The following FRYL variants were observed in gnomAD, a reference collection of about 807,000 sequenced individuals.
FRYL encodes the protein FRY like transcription coactivator.
A neutral mutation model predicts 351.2 loss-of-function variants in FRYL; 150 were observed. That is an observed-to-expected ratio of 0.43 (90% confidence interval 0.37 to 0.49). The LOEUF is 0.49. FRYL is among the 20% of genes least tolerant of loss of function. The pLI is 0.00. For synonymous variants in FRYL, 1,153 were observed against 1,257.1 expected (o/e 0.92, Z 1.75); for missense variants, 3,036 against 3,619.3 (o/e 0.84, Z 4.13).
intron 59 of FRYL, chr4:48,506,242 T>C (rs1720881683): frequency 6.6e-6 from 1 of 151,920 alleles, no homozygotes; most frequent in African/African-American, 2.4e-5. Flanking sequence ...AATGTTGATA[T>C]AAAAGTACAG....
At position 48,774,259 on chromosome 4, in the gene FRYL, C is replaced by T. The variant is rs547469275; in HGVS notation, c.-384+5819G>A. On this transcript the variant is annotated intron_variant, in intron 1 of 63. Transcript: ENST00000358350. The stretch of plus-strand genomic sequence containing the variant: ...TTTAATAGGTAAATTATATGGCATA[C>T]GAATTATATTTCAAAAAAGCTGTCA... 7.9e-5 allele frequency among the ~76,000 whole-genome samples: 12 copies of T among 152,210 alleles called. No individual in the cohort carries two copies. In the Middle Eastern group the frequency reaches 0.014, roughly 173 times the overall value.
At chr4:48,562,856 TA>T in intron 32 of FRYL, 32 bp downstream of exon 32, 2 of 1,223,952 alleles carry the variant, frequency 1.6e-6, no homozygotes, top group African/African-American at 1.5e-5. Flanking sequence ...AAATCCTGAG[TA>T]AAAAAATATT....
At chr4:48,655,995 T>C (rs1758835982) in intron 3 of FRYL, among the ~76,000 whole-genome samples, 1 of 138,274 alleles carries the variant, frequency 7.2e-6, no homozygotes, top group African/African-American at 2.6e-5. Context: ...GTGCAATATA[T>C]GTATATAATG....
intron 25 of FRYL, among the ~76,000 whole-genome samples, 186 bp from the exon 26 acceptor site, chr4:48,573,429 A>G (rs1738824134): frequency 6.6e-6 from 1 of 152,090 alleles, no homozygotes; most frequent in African/African-American, 2.4e-5. Flanking sequence ...TGGAAACCAG[A>G]AAAAAAATGG....
chr4:48,534,225 CAAAACA>C (rs1187853773), intron 49 of FRYL, among the ~76,000 whole-genome samples: 1 of 152,118 alleles, frequency 6.6e-6, no homozygotes, highest in Non-Finnish European at 1.5e-5. Context: ...GACTCCTTCT[CAAAACA>C]AAAACAAAAA....
chr4:48,525,064 GAAA>G (rs528826304), intron 53 of FRYL, among the ~76,000 whole-genome samples: 2 of 82,248 alleles, frequency 2.4e-5, no homozygotes, highest in Admixed American at 1.3e-4. Flanking sequence ...TACACTTTTT[GAAA>G]AAAAAAAAAA....
At chr4:48,534,457 C>A in intron 49 of FRYL, 88 bp downstream of exon 49, 1 of 1,023,292 alleles carries the variant, frequency 9.8e-7, no homozygotes, top group Non-Finnish European at 1.4e-6. Flanking sequence ...CTTCCCCATT[C>A]TTCGACATTT....
intron 1 of FRYL, among the ~76,000 whole-genome samples, chr4:48,757,379 A>C (rs1773908085): frequency 6.6e-6 from 1 of 152,238 alleles, no homozygotes; most frequent in Non-Finnish European, 1.5e-5. Flanking sequence ...GCTGATAAGC[A>C]ACTTCAGCAA....
intron 28 of FRYL, among the ~76,000 whole-genome samples, chr4:48,566,572 T>C (rs1736839077): frequency 6.6e-6 from 1 of 152,208 alleles, no homozygotes; most frequent in Admixed American, 6.5e-5. Context: ...CATATGTAAT[T>C]AAGTGCTTAA....
In FRYL at chr4:48,575,127, C is replaced by T; in HGVS notation, c.2836G>A (p.Gly946Arg). 6.2e-7 allele frequency: 1 copy of T among 1,613,384 alleles called. No homozygotes were observed. The highest frequency in any genetic ancestry group is 8.5e-7 in the Non-Finnish European group (1 of 1,179,420). Reference protein sequence around the residue: ...LVLGLGRTNPGAFRELIEELH... With the variant: ...LVLGLGRTNPRAFRELIEELH... ...TACGAACATAGTTACCTAAAAGCTC[C>T]TGGGTTGGTCCTGCCAAGACCTAGA... The change falls in exon 25 of 64, where the codon GGA becomes AGA. Residue 946 changes from glycine (G) to arginine (R), a missense_variant. Gly to Arg is a moderately radical substitution (Grantham distance 125). This residue lies in a region of FRYL where 492 missense variants were observed against 551.5 expected (regional missense o/e 0.89). Transcript: ENST00000358350.
intron 50 of FRYL, among the ~76,000 whole-genome samples, 175 bp from the exon 51 acceptor site, chr4:48,528,511 T>A (rs1048830277): frequency 2.0e-5 from 3 of 152,112 alleles, no homozygotes; most frequent in Non-Finnish European, 4.4e-5. Context: ...ATATATATAT[T>A]TTTAATCAAG....
chr4:48,618,928 G>C (rs1365911992), intron 7 of FRYL: 1 of 186,662 alleles, frequency 5.4e-6, no homozygotes, highest in Non-Finnish European at 1.1e-5. Context: ...ATGCAGGCTT[G>C]GGGGCTTAGA....
intron 1 of FRYL, among the ~76,000 whole-genome samples, chr4:48,765,546 C>A (rs1774863216): frequency 6.6e-6 from 1 of 151,780 alleles, no homozygotes; most frequent in African/African-American, 2.4e-5. Context: ...CATAAAACTA[C>A]TAGAAAAAGC....
intron 3 of FRYL, among the ~76,000 whole-genome samples, chr4:48,650,089 C>T (rs771139572): frequency 1.5e-4 from 23 of 151,700 alleles, no homozygotes; most frequent in Non-Finnish European, 2.1e-4. Flanking sequence ...TCAAGTTTTC[C>T]TCTGTTCTTT....
At chr4:48,671,263 A>G (rs1762616426) in intron 3 of FRYL, among the ~76,000 whole-genome samples, 1 of 152,250 alleles carries the variant, frequency 6.6e-6, no homozygotes, top group East Asian at 1.9e-4. Context: ...AAAATACCCA[A>G]CAAAAACTAC....
At chr4:48,695,204 A>G (rs182705797) in intron 2 of FRYL, among the ~76,000 whole-genome samples, 1 of 152,334 alleles carries the variant, frequency 6.6e-6, no homozygotes, top group Non-Finnish European at 1.5e-5. Flanking sequence ...TTCCTGTTCT[A>G]GAGCTCTGTG....
chr4:48,767,441 C>A (rs1172500477), intron 1 of FRYL, among the ~76,000 whole-genome samples: 2 of 152,130 alleles, frequency 1.3e-5, no homozygotes, highest in Non-Finnish European at 2.9e-5. Flanking sequence ...CAAAGCCAAA[C>A]CATATCATGC....
Position 48,534,599 on chromosome 4 carries a change from G to T in FRYL, c.6651C>A (p.Ala2217=), listed in dbSNP as rs1335051361. 1.2e-6 allele frequency: 2 copies of T among 1,612,010 alleles called. No homozygotes were observed. The highest frequency in any genetic ancestry group is 2.2e-5 in the East Asian group (1 of 44,792). ...SLLSHIDLSA[A]PAKQFNLEII... is the part of the protein sequence containing the mutation. ...TCTCCAGATTAAACTGCTTGGCTGGGGCTGCAGACAGGTCAATATGACTCA... is the reference window on the plus strand; with the variant it reads ...TCTCCAGATTAAACTGCTTGGCTGGTGCTGCAGACAGGTCAATATGACTCA... The change falls in exon 49 of 64, where the codon GCC becomes GCA. Residue 2217 remains alanine (A), a synonymous_variant. Transcript: ENST00000358350.
intron 35 of FRYL, among the ~76,000 whole-genome samples, chr4:48,554,450 C>G (rs774125296): frequency 1.3e-5 from 2 of 152,140 alleles, no homozygotes; most frequent in African/African-American, 2.4e-5. Context: ...GCAATTCCCC[C>G]TGCGTCAGCC....
Sources: allele counts gnomAD v4.1 joint callset (sites outside exome capture counted in the v4.1 genomes callset), GRCh38; gene constraint gnomAD v4.1.1; regional missense constraint gnomAD v4.1.1; transcripts MANE v1.5; gene names NCBI Gene and HGNC (gene_info 2026-07-23, HGNC 2026-07-21).